Variants in CTNNA2 observed in about 807,000 individuals in gnomAD.
The protein encoded by CTNNA2 is catenin alpha-2.
A neutral mutation model predicts 101.0 loss-of-function variants in CTNNA2; 42 were observed. That is an observed-to-expected ratio of 0.42 (90% confidence interval 0.32 to 0.54). The LOEUF (loss-of-function observed/expected upper bound fraction) is 0.54, where lower values mean the gene tolerates loss of function less well. Among genes scored for constraint, CTNNA2 ranks in the 20% least tolerant of loss-of-function variants. The pLI is 0.14. For missense variants in CTNNA2, 871 were observed against 1,223.1 expected, an observed-to-expected ratio of 0.71 and a Z score of 4.29; for synonymous variants, 450 against 456.4, an observed-to-expected ratio of 0.99 and a Z score of 0.18.
At chr2:79,360,182 C>T (rs544425481) in intron 3 of CTNNA2, among the ~76,000 whole-genome samples, 9 of 152,148 alleles carry the variant, frequency 5.9e-5, no homozygotes, top group Non-Finnish European at 8.8e-5. Flanking sequence ...CAACTTTCCT[C>T]GCCCTCAGAA....
At chr2:79,621,912 A>G (rs748070286) in intron 1 of CTNNA2, among the ~76,000 whole-genome samples, 1 of 152,186 alleles carries the variant, frequency 6.6e-6, no homozygotes, top group African/African-American at 2.4e-5. Flanking sequence ...CATGAGTAGC[A>G]TTTTACAAAA....
intron 7 of CTNNA2, among the ~76,000 whole-genome samples, chr2:80,109,463 G>GAAACAAAC (rs3067112): frequency 2.7e-4 from 41 of 151,644 alleles, no homozygotes; most frequent in African/African-American, 9.0e-4. Context: ...TCTGTCTCAA[G>GAAACAAAC]AAACAAACAA....
chr2:80,417,019 C>G (rs1004868427), intron 8 of CTNNA2, among the ~76,000 whole-genome samples: 1 of 151,840 alleles, frequency 6.6e-6, no homozygotes, highest in South Asian at 2.1e-4. Flanking sequence ...AGTTTTTTCC[C>G]CCTCGTTTTT....
intron 4 of CTNNA2, among the ~76,000 whole-genome samples, chr2:79,461,880 A>G (rs1342500904): frequency 6.6e-6 from 1 of 152,154 alleles, no homozygotes; most frequent in Non-Finnish European, 1.5e-5. Context: ...ATTTGTGAAG[A>G]TCTAGCTTAA....
At chr2:79,187,373 A>G (rs11126701) in intron 1 of CTNNA2, among the ~76,000 whole-genome samples, 89,109 of 149,614 alleles carry the variant, frequency 0.6, 28,767 homozygotes, top group African/African-American at 0.86. Flanking sequence ...AGGTTCAAGC[A>G]ATTCAGTGCA....
At chr2:80,556,523 C>T (rs1479918823) in intron 12 of CTNNA2, among the ~76,000 whole-genome samples, 1 of 152,154 alleles carries the variant, frequency 6.6e-6, no homozygotes, top group Non-Finnish European at 1.5e-5. Context: ...TCACAGGACT[C>T]ACTGCTATGG....
At chr2:79,852,025 A>G (rs1345132118) in intron 3 of CTNNA2, among the ~76,000 whole-genome samples, 4 of 152,144 alleles carry the variant, frequency 2.6e-5, no homozygotes, top group Non-Finnish European at 5.9e-5. Context: ...GGTGTGAGCC[A>G]CAACACCCGG....
intron 16 of CTNNA2, 88 bp downstream of exon 16, chr2:80,604,267 A>C: frequency 1.1e-6 from 1 of 945,334 alleles, no homozygotes; most frequent in Non-Finnish European, 1.7e-6. Flanking sequence ...CACCCTATAA[A>C]ATGCCTCTGA....
chr2:80,369,077 T>G (rs17019104), intron 7 of CTNNA2, among the ~76,000 whole-genome samples: 35,899 of 151,826 alleles, frequency 0.24, 4,399 homozygotes, highest in East Asian at 0.4. Flanking sequence ...AAGTTTATTT[T>G]CACTATATAG....
chr2:79,424,309 ATTC>A (rs1355703296), intron 4 of CTNNA2, among the ~76,000 whole-genome samples: 1 of 152,170 alleles, frequency 6.6e-6, no homozygotes, highest in Non-Finnish European at 1.5e-5. Context: ...CAGAAAAAAC[ATTC>A]TTATGTCCTG....
At chr2:80,457,082 A>G (rs575942911) in intron 9 of CTNNA2, among the ~76,000 whole-genome samples, 4 of 151,814 alleles carry the variant, frequency 2.6e-5, no homozygotes, top group Non-Finnish European at 5.9e-5. Context: ...TTTTAATTTT[A>G]CATGTTTTTT....
intron 4 of CTNNA2, among the ~76,000 whole-genome samples, chr2:79,408,770 G>C (rs1244020490): frequency 1.3e-5 from 2 of 152,042 alleles, no homozygotes; most frequent in Admixed American, 6.6e-5. Flanking sequence ...ATGTGTGCAT[G>C]TGTCTTTATA....
At chr2:79,190,257 A>T (rs1467617402) in intron 1 of CTNNA2, among the ~76,000 whole-genome samples, 1 of 151,874 alleles carries the variant, frequency 6.6e-6, no homozygotes, top group Non-Finnish European at 1.5e-5. Context: ...ATCTGTACTA[A>T]TCACCCTTTT....
At chr2:79,289,621 T>C (rs1000238633) in intron 2 of CTNNA2, among the ~76,000 whole-genome samples, 1 of 152,120 alleles carries the variant, frequency 6.6e-6, no homozygotes, top group African/African-American at 2.4e-5. Context: ...GATGTGCGCC[T>C]GTAATCCCAG....
chr2:80,215,534 C>T (rs148342562), intron 7 of CTNNA2, among the ~76,000 whole-genome samples: 20 of 152,318 alleles, frequency 1.3e-4, no homozygotes, highest in East Asian at 3.9e-4. Flanking sequence ...CGACTCCAGA[C>T]GCTGTTTGCC....
chr2:80,429,017 AAAT>A (rs1681245798), intron 9 of CTNNA2, among the ~76,000 whole-genome samples: 1 of 152,230 alleles, frequency 6.6e-6, no homozygotes, highest in Non-Finnish European at 1.5e-5. Context: ...GCAATTCTGT[AAAT>A]AATAATACTC....
intron 7 of CTNNA2, among the ~76,000 whole-genome samples, chr2:80,205,101 G>A (rs1170285027): frequency 6.6e-6 from 1 of 152,152 alleles, no homozygotes; most frequent in Non-Finnish European, 1.5e-5. Flanking sequence ...GCTACAAGAT[G>A]AGATTTGGGT....
chr2:79,801,927 G>A (rs567266573), intron 3 of CTNNA2, among the ~76,000 whole-genome samples: 36 of 149,088 alleles, frequency 2.4e-4, no homozygotes, highest in African/African-American at 8.7e-4. Context: ...GGGAGGCAGA[G>A]GTTGCAGTGA....
At chr2:80,158,297 T>C (rs1171454601) in intron 7 of CTNNA2, among the ~76,000 whole-genome samples, 2 of 152,330 alleles carry the variant, frequency 1.3e-5, no homozygotes, top group East Asian at 3.9e-4. Context: ...AAATACCATG[T>C]ACTGTCTCAT....
Sources: allele counts gnomAD v4.1 joint callset (sites outside exome capture counted in the v4.1 genomes callset), GRCh38; gene constraint gnomAD v4.1.1; transcripts MANE v1.5; gene names NCBI Gene and HGNC (gene_info 2026-07-23, HGNC 2026-07-21).